Variants in GRIA1 observed in about 807,000 individuals in gnomAD.
The protein encoded by GRIA1 is glutamate receptor 1.
Under a neutral mutation model 99.2 loss-of-function variants are expected in GRIA1, and 31 were observed. The observed-to-expected ratio is 0.31, with a 90% CI of 0.23 to 0.42. The LOEUF is 0.42. GRIA1 is among the 10% of genes least tolerant of loss of function. The pLI is 1.00. For synonymous variants in GRIA1, 438 were observed against 432.4 expected, an observed-to-expected ratio of 1.01 and a Z score of -0.16; for missense variants, 782 against 1,157.5, an observed-to-expected ratio of 0.68 and a Z score of 4.71.
chr5:153,656,350 A>G (rs1273371435), intron 5 of GRIA1, among the ~76,000 whole-genome samples: 1 of 146,088 alleles, frequency 6.8e-6, no homozygotes, highest in East Asian at 2.0e-4. Flanking sequence ...TTTAGTTTAT[A>G]TTCACTTTTC....
chr5:153,520,403 G>T (rs1757031367), intron 2 of GRIA1, among the ~76,000 whole-genome samples: 1 of 152,156 alleles, frequency 6.6e-6, no homozygotes, highest in Non-Finnish European at 1.5e-5. Flanking sequence ...CAAATCAAAA[G>T]TTGCCAGATT....
chr5:153,664,804 G>A (rs970952228), intron 5 of GRIA1, among the ~76,000 whole-genome samples: 17 of 152,264 alleles, frequency 1.1e-4, no homozygotes, highest in African/African-American at 3.6e-4. Context: ...TATTTATCAT[G>A]TTTGGACTTT....
chr5:153,794,865 A>C, intron 14 of GRIA1, 130 bp downstream of exon 14: 1 of 634,282 alleles, frequency 1.6e-6, no homozygotes, highest in Non-Finnish European at 2.8e-6. Flanking sequence ...TGTCAAAGGG[A>C]AGCCCTTTGG....
At position 153,519,698 on chromosome 5, in the gene GRIA1, A is replaced by G. The variant is rs117736806; in HGVS notation, c.220+25633A>G. Among the ~76,000 whole-genome samples the G allele has an allele frequency of 2.1e-3, 313 of 152,280 alleles. 12 individuals carry two copies. The East Asian group carries it at 0.036, about 17-fold the overall frequency. On this transcript the variant is annotated intron_variant, in intron 2 of 15. Coordinates refer to ENST00000285900, the MANE Select transcript of GRIA1 (RefSeq NM_000827.4). ...CCTTGAGAAGCATGCTTCAACCAGCAAAGGAAAGACAGTCCTAGACAAGGA... is the reference window on the plus strand; with the variant it reads ...CCTTGAGAAGCATGCTTCAACCAGCGAAGGAAAGACAGTCCTAGACAAGGA...
chr5:153,690,787 C>G (rs1184063480), intron 8 of GRIA1, among the ~76,000 whole-genome samples: 1 of 152,182 alleles, frequency 6.6e-6, no homozygotes, highest in Admixed American at 6.5e-5. Flanking sequence ...ATGGCCAAAT[C>G]CTTTCTTAGA....
At chr5:153,680,744 C>A (rs1756918502) in intron 7 of GRIA1, among the ~76,000 whole-genome samples, 1 of 152,170 alleles carries the variant, frequency 6.6e-6, no homozygotes. Context: ...CGCAGTCCTG[C>A]CTTTAAGGGC....
chr5:153,725,425 A>G (rs1480095871), intron 11 of GRIA1, among the ~76,000 whole-genome samples: 6 of 144,314 alleles, frequency 4.2e-5, no homozygotes, highest in Admixed American at 1.4e-4. Context: ...AATGGACTAA[A>G]TGCTCCAATT....
intron 11 of GRIA1, among the ~76,000 whole-genome samples, chr5:153,761,959 A>T (rs1245796170): frequency 6.6e-6 from 1 of 152,182 alleles, no homozygotes; most frequent in Admixed American, 6.5e-5. Context: ...TGTGGAATCT[A>T]AAAAAATTGA....
chr5:153,643,494 A>T (rs1753920264), intron 2 of GRIA1, among the ~76,000 whole-genome samples: 1 of 152,226 alleles, frequency 6.6e-6, no homozygotes, highest in African/African-American at 2.4e-5. Flanking sequence ...TATATTTATC[A>T]ACATTTAACC....
intron 2 of GRIA1, among the ~76,000 whole-genome samples, chr5:153,584,426 G>T (rs2149379090): frequency 6.6e-6 from 1 of 152,260 alleles, no homozygotes; most frequent in East Asian, 1.9e-4. Context: ...TGCCCAATTT[G>T]TGTCCCCTCC....
intron 13 of GRIA1, among the ~76,000 whole-genome samples, chr5:153,778,569 C>G (rs567081789): frequency 6.6e-6 from 1 of 151,910 alleles, no homozygotes; most frequent in South Asian, 2.1e-4. Flanking sequence ...GGCAAGAATG[C>G]CCTCTCAAAG....
At chr5:153,618,967 G>T (rs555714896) in intron 2 of GRIA1, among the ~76,000 whole-genome samples, 9 of 152,258 alleles carry the variant, frequency 5.9e-5, no homozygotes, top group African/African-American at 1.7e-4. Flanking sequence ...CTTTCTCAAA[G>T]ATCCCATTTC....
At chr5:153,645,884 G>A (rs1298472099) in intron 2 of GRIA1, among the ~76,000 whole-genome samples, 3 of 152,136 alleles carry the variant, frequency 2.0e-5, no homozygotes, top group South Asian at 2.1e-4. Context: ...GGACCACAAA[G>A]CACTCTAAAA....
intron 2 of GRIA1, among the ~76,000 whole-genome samples, chr5:153,530,550 A>G (rs1467416664): frequency 1.2e-4 from 19 of 152,212 alleles, no homozygotes; most frequent in Admixed American, 1.2e-3. Flanking sequence ...GAGTGTTGCT[A>G]TCTCTCTAAC....
intron 13 of GRIA1, among the ~76,000 whole-genome samples, chr5:153,777,674 GC>G (rs1313346480): frequency 1.1e-4 from 16 of 151,686 alleles, no homozygotes; most frequent in African/African-American, 3.2e-4. Context: ...ATGCATATGA[GC>G]CCCACCCTCA....
intron 2 of GRIA1, among the ~76,000 whole-genome samples, chr5:153,609,895 A>AT (rs1260623396): frequency 6.6e-6 from 1 of 152,048 alleles, no homozygotes; most frequent in Non-Finnish European, 1.5e-5. Flanking sequence ...ATAAGGTACA[A>AT]TTTGATCATC....
At chr5:153,524,859 T>C (rs552295275) in intron 2 of GRIA1, among the ~76,000 whole-genome samples, 1 of 152,192 alleles carries the variant, frequency 6.6e-6, no homozygotes, top group Non-Finnish European at 1.5e-5. Context: ...CAGGTCTCTG[T>C]AGGAAATATT....
In GRIA1 at chr5:153,657,679, G is replaced by T. The variant is rs546031796; in HGVS notation, c.699+1807G>T. On this transcript the variant is annotated intron_variant, in intron 5 of 15. Coordinates refer to ENST00000285900, the MANE Select transcript of GRIA1 (RefSeq NM_000827.4). ...GAAATTCTGTCCTTCTTTCTGACCTGGTATCCAGCCTTAGATAGATCCCTG... is the reference window on the plus strand; with the variant it reads ...GAAATTCTGTCCTTCTTTCTGACCTTGTATCCAGCCTTAGATAGATCCCTG... 2.6e-5 allele frequency among the ~76,000 whole-genome samples: 4 copies of T among 152,260 alleles called. No individual in the cohort carries two copies. The East Asian group carries it at 5.8e-4, about 22-fold the overall frequency.
chr5:153,686,368 G>A (rs761562490), intron 8 of GRIA1, 39 bp downstream of exon 8: 1 of 1,462,756 alleles, frequency 6.8e-7, no homozygotes, highest in Non-Finnish European at 9.6e-7. Context: ...AGAGAGAAGA[G>A]GCTGAGCAGG....
Sources: allele counts gnomAD v4.1 joint callset (sites outside exome capture counted in the v4.1 genomes callset), GRCh38; gene constraint gnomAD v4.1.1; transcripts MANE v1.5; gene names NCBI Gene and HGNC (gene_info 2026-07-23, HGNC 2026-07-21).